Variants in VIPR2 observed in about 807,000 individuals in gnomAD.
VIPR2 encodes vasoactive intestinal peptide receptor 2.
In VIPR2, 48 loss-of-function variants were observed where a neutral mutation model predicts 58.0. The ratio of observed to expected loss-of-function variants is 0.83; its 90% CI spans 0.66 to 1.05. The LOEUF is 1.05. Among genes scored for constraint, VIPR2 ranks in the 50% least tolerant of loss-of-function variants. VIPR2 has a pLI of 0.00. For missense variants in VIPR2, 534 were observed against 558.0 expected, an observed-to-expected ratio of 0.96 and a Z score of 0.43; for synonymous variants, 243 against 235.2, an observed-to-expected ratio of 1.03 and a Z score of -0.30.
At chr7:159,073,896 T>C (rs373048267) in intron 4 of VIPR2, among the ~76,000 whole-genome samples, 7 of 152,036 alleles carry the variant, frequency 4.6e-5, no homozygotes, top group Non-Finnish European at 1.0e-4. Context: ...AGGAAGAAAA[T>C]GCACACAGGC....
intron 5 of VIPR2, among the ~76,000 whole-genome samples, chr7:159,052,187 A>G (rs1479987986): frequency 6.6e-6 from 1 of 152,220 alleles, no homozygotes; most frequent in East Asian, 1.9e-4. Flanking sequence ...CACTTTATTC[A>G]GTAAGACTCA....
chr7:159,048,327 G>A (rs1854773471), intron 5 of VIPR2, among the ~76,000 whole-genome samples: 2 of 152,202 alleles, frequency 1.3e-5, no homozygotes, highest in African/African-American at 4.8e-5. Flanking sequence ...TCTAAAAATG[G>A]TAACCTAGTT....
chr7:159,097,124 G>A lies in VIPR2; in HGVS notation c.357+6633C>T. ...AGGAGGGTTGGCGGGATGATCAGAT[G>A]GTGCCTCCCACAAAGGCATCTGCAG... is the stretch of plus-strand genomic sequence containing the variant. On this transcript the variant is annotated intron_variant, in intron 4 of 12. Coordinates refer to ENST00000262178, the MANE Select transcript of VIPR2 (RefSeq NM_003382.5). The surrounding 1 kb of genome is among the most constrained non-coding windows in gnomAD (Gnocchi z 5.3). The A allele has an allele frequency of 6.8e-7, 1 of 1,480,966 alleles. No individual in the cohort carries two copies. Among genetic ancestry groups the A allele is most frequent in the Non-Finnish European group, 9.0e-7 (1 of 1,107,936 alleles). The allele number at this position is 1,480,966 out of a possible 1,614,324, so 91.7% of individuals were successfully genotyped here.
intron 5 of VIPR2, among the ~76,000 whole-genome samples, chr7:159,056,468 G>A (rs1250140698): frequency 6.6e-6 from 1 of 152,138 alleles, no homozygotes; most frequent in Non-Finnish European, 1.5e-5. Flanking sequence ...AGGAGCAACC[G>A]TGCTGTGGAC....
At chr7:159,106,944 G>A (rs1258236188) in intron 3 of VIPR2, among the ~76,000 whole-genome samples, 2 of 149,158 alleles carry the variant, frequency 1.3e-5, no homozygotes, top group Non-Finnish European at 3.0e-5. Context: ...GATCAGGGAG[G>A]TACAGAGAGA....
At position 159,097,305 on chromosome 7, in the gene VIPR2, T is replaced by C. The variant is rs1334102846; in HGVS notation, c.357+6452A>G. The C allele has an allele frequency of 3.0e-6, 4 of 1,314,338 alleles. No individual in the cohort carries two copies. In the African/African-American group the frequency reaches 5.9e-5, roughly 19 times the overall value. The allele number at this position is 1,314,338 out of a possible 1,614,324, so 81.4% of individuals were successfully genotyped here. A position where few individuals can be genotyped will look rare whatever the true frequency, so the allele number is the denominator to read the frequency against. ...GTAACACGGAAGAAATGTGTGCACT[T>C]GAAGCATGGGGAGGCCGAAATGCCA... On this transcript the variant is annotated intron_variant, in intron 4 of 12. Transcript: ENST00000262178. The surrounding 1 kb of genome is among the most constrained non-coding windows in gnomAD (Gnocchi z 5.3).
chr7:159,044,383 A>G (rs1477383832), intron 5 of VIPR2, among the ~76,000 whole-genome samples: 1 of 152,210 alleles, frequency 6.6e-6, no homozygotes, highest in Non-Finnish European at 1.5e-5. Context: ...GAGTTATCAC[A>G]TCAGAATATT....
At chr7:159,111,083 G>A (rs1288579715) in intron 2 of VIPR2, among the ~76,000 whole-genome samples, 4 of 152,206 alleles carry the variant, frequency 2.6e-5, no homozygotes, top group Admixed American at 2.0e-4. Context: ...CTCCAGGCGT[G>A]AGCCCCCGTG....
intron 3 of VIPR2, among the ~76,000 whole-genome samples, chr7:159,105,549 G>A (rs1174288365): frequency 6.6e-6 from 1 of 152,126 alleles, no homozygotes; most frequent in Non-Finnish European, 1.5e-5. Flanking sequence ...CCAGGCTCTG[G>A]CTGTACTGGG....
At chr7:159,112,146 T>A (rs888685387) in intron 2 of VIPR2, among the ~76,000 whole-genome samples, 2 of 152,266 alleles carry the variant, frequency 1.3e-5, no homozygotes, top group East Asian at 3.8e-4. Context: ...TCATACCACA[T>A]CAAACAGTCT....
rs1427161860 is a variant in VIPR2 at position 159,101,163 on chromosome 7, C to T, written c.357+2594G>A. Among the ~76,000 whole-genome samples the T allele has an allele frequency of 4.5e-3, 395 of 88,362 alleles. 10 individuals are homozygous for T. Among genetic ancestry groups the T allele is most frequent in the African/African-American group, 0.016 (378 of 24,216 alleles). The allele number at this position is 88,362 out of a possible 152,430, so 58.0% of individuals were successfully genotyped here. On this transcript the variant is annotated intron_variant, in intron 4 of 12. Coordinates refer to ENST00000262178, the MANE Select transcript of VIPR2 (RefSeq NM_003382.5). ...TGAGTCTCATGAGATCCGACGAGGC[C>T]GTTCCCCCGACTGTTCCTGTGATAG...
chr7:159,092,824 G>T (rs1014570597), intron 4 of VIPR2, among the ~76,000 whole-genome samples: 3 of 151,952 alleles, frequency 2.0e-5, no homozygotes, highest in Non-Finnish European at 2.9e-5. Flanking sequence ...TGCTTGGAAG[G>T]ACTGTGGCTC....
intron 6 of VIPR2, among the ~76,000 whole-genome samples, chr7:159,037,434 C>A (rs571649423): frequency 1.3e-5 from 2 of 152,224 alleles, no homozygotes; most frequent in African/African-American, 4.8e-5. Flanking sequence ...GTAGAGGGCG[C>A]GGCACATGCC....
At chr7:159,074,217 T>C (rs1230149463) in intron 4 of VIPR2, among the ~76,000 whole-genome samples, 2 of 152,074 alleles carry the variant, frequency 1.3e-5, no homozygotes, top group African/African-American at 4.8e-5. Flanking sequence ...CTGCACAAAG[T>C]GTAAAATATC....
intron 3 of VIPR2, among the ~76,000 whole-genome samples, chr7:159,105,488 T>G (rs1022725990): frequency 2.0e-5 from 3 of 152,038 alleles, no homozygotes; most frequent in Non-Finnish European, 4.4e-5. Context: ...TTGAGTGGGG[T>G]GCGTGCATGA....
In VIPR2 at chr7:159,128,051, G is replaced by C. The variant is rs1796719807; in HGVS notation, c.151+14395C>G. Among the ~76,000 whole-genome samples the C allele has an allele frequency of 6.6e-6, 1 of 152,152 alleles. No homozygotes were observed. Among genetic ancestry groups the C allele is most frequent in the Non-Finnish European group, 1.5e-5 (1 of 68,020 alleles). On this transcript the variant is annotated intron_variant, in intron 2 of 12. Coordinates refer to ENST00000262178, the MANE Select transcript of VIPR2 (RefSeq NM_003382.5). This position sits in a 1 kb window ranked among gnomAD's most constrained non-coding sequence, Gnocchi z 4.1. ...ACCGCTCCCCCCACCTTGCAGCAGG[G>C]CCTGACCGTGGGTCTCGGCAGGAAT...
chr7:159,143,518 C>G (rs923319945), intron 1 of VIPR2, among the ~76,000 whole-genome samples: 3 of 152,192 alleles, frequency 2.0e-5, no homozygotes, highest in African/African-American at 7.2e-5. Context: ...AATATCCTAA[C>G]AGAATTAAGG....
chr7:159,132,331 A>G (rs1406326036), intron 2 of VIPR2, among the ~76,000 whole-genome samples: 1 of 139,532 alleles, frequency 7.2e-6, no homozygotes, highest in African/African-American at 2.6e-5. Flanking sequence ...CACAACTTGC[A>G]CCCTGAGCTC....
chr7:159,113,852 A>G (rs1434331602), intron 2 of VIPR2, among the ~76,000 whole-genome samples: 6 of 152,078 alleles, frequency 3.9e-5, no homozygotes, highest in African/African-American at 1.4e-4. Context: ...TGGGATGTAA[A>G]TTGGGAGGAA....
Sources: allele counts gnomAD v4.1 joint callset (sites outside exome capture counted in the v4.1 genomes callset), GRCh38; gene constraint gnomAD v4.1.1; non-coding constraint Gnocchi (gnomAD v3.1); transcripts MANE v1.5; gene names NCBI Gene and HGNC (gene_info 2026-07-23, HGNC 2026-07-21).